The following DMXL1 variants were observed in gnomAD, a reference collection of about 807,000 sequenced individuals.
DMXL1 encodes dmX-like protein 1.
A neutral mutation model predicts 319.2 loss-of-function variants in DMXL1; 99 were observed. That is an observed-to-expected ratio of 0.31 (90% CI 0.26 to 0.37). The LOEUF (loss-of-function observed/expected upper bound fraction) is 0.37, where lower values mean the gene tolerates loss of function less well. Among genes scored for constraint, DMXL1 ranks in the 10% least tolerant of loss-of-function variants. The probability of loss-of-function intolerance (pLI) is 1.00; values close to 1 mark genes in which losing one functional copy is unlikely to be tolerated. For missense variants in DMXL1, 3,745 were observed against 3,595.6 expected (o/e 1.04, Z -1.06); for synonymous variants, 1,385 against 1,235.2 (o/e 1.12, Z -2.54).
intron 1 of DMXL1, among the ~76,000 whole-genome samples, chr5:119,080,472 C>G (rs1364506199): frequency 1.3e-5 from 2 of 152,108 alleles, no homozygotes; most frequent in African/African-American, 2.4e-5. Flanking sequence ...GTGAATGGTT[C>G]CATTATCCAG....
intron 37 of DMXL1, among the ~76,000 whole-genome samples, chr5:119,222,015 CA>C (rs1487661312): frequency 2.0e-5 from 3 of 151,746 alleles, no homozygotes; most frequent in Non-Finnish European, 4.4e-5. Flanking sequence ...TTCAGAATTT[CA>C]TAAGTACTGT....
At chr5:119,143,069 C>T (rs945772147) in intron 13 of DMXL1, among the ~76,000 whole-genome samples, 1 of 151,942 alleles carries the variant, frequency 6.6e-6, no homozygotes, top group Non-Finnish European at 1.5e-5. Flanking sequence ...ACACTGGGGA[C>T]TTCTTCATGT....
intron 41 of DMXL1, 73 bp from the exon 42 acceptor site, chr5:119,240,346 A>G (rs1362265105): frequency 3.9e-5 from 41 of 1,064,836 alleles, no homozygotes; most frequent in Non-Finnish European, 5.1e-5. Flanking sequence ...TAAAGGTCAC[A>G]CAGTTATATA....
intron 27 of DMXL1, 29 bp from the exon 28 acceptor site, chr5:119,177,967 G>A (rs951207694): frequency 1.3e-6 from 2 of 1,550,212 alleles, no homozygotes; most frequent in Non-Finnish European, 1.7e-6. Context: ...TTTATAGTCA[G>A]TGACAGCTAT....
intron 28 of DMXL1, among the ~76,000 whole-genome samples, chr5:119,184,478 T>C (rs2150345317): frequency 6.6e-6 from 1 of 152,322 alleles, no homozygotes; most frequent in East Asian, 1.9e-4. Flanking sequence ...TGAATATATT[T>C]TTTCCATTAT....
intron 25 of DMXL1, 81 bp downstream of exon 25, chr5:119,172,050 G>A (rs1030440990): frequency 7.6e-7 from 1 of 1,314,010 alleles, no homozygotes; most frequent in Non-Finnish European, 1.0e-6. Context: ...TTTTTTTTAA[G>A]TAATTTTAAA....
rs767178315 is a variant in DMXL1, at chr5:119,149,375, T to C, written c.3548T>C (p.Phe1183Ser). The C allele has an allele frequency of 6.2e-7, 1 of 1,613,964 alleles. No individual in the cohort carries two copies. Among genetic ancestry groups the C allele is most frequent in the Non-Finnish European group, 8.5e-7 (1 of 1,179,898 alleles). Residue 1183 changes from phenylalanine (F) to serine (S), a missense_variant, in exon 18 of 44, where the codon TTT becomes TCT. Phe to Ser is a radical substitution (Grantham distance 155). This residue lies in a region of DMXL1 where 2,096 missense variants were observed against 1,985.4 expected (regional missense o/e 1.06). Coordinates refer to ENST00000539542, the MANE Select transcript of DMXL1 (RefSeq NM_001290321.3). Reference protein sequence around the residue: ...QDQTGKETLAFPLWESTKVVP... With the variant: ...QDQTGKETLASPLWESTKVVP... ...CAAACTGGTAAGGAAACCCTGGCAT[T>C]TCCTCTCTGGGAGAGTACCAAAGTT...
In DMXL1 at chr5:119,175,790, A is replaced by T. The variant is rs578092794; in HGVS notation, c.6758+453A>T. On this transcript the variant is annotated intron_variant, in intron 26 of 43. Transcript: ENST00000539542. ...GGAATTGAGAAAAATTTTACCAAAT[A>T]ATTGATGTATAGGATATTTCTCTGT... is the stretch of plus-strand genomic sequence containing the variant. Among the ~76,000 whole-genome samples, 4 of 152,246 alleles carry T rather than the reference A, an allele frequency of 2.6e-5. No homozygotes were observed. The East Asian group carries it at 7.7e-4, about 29-fold the overall frequency.
chr5:119,188,338 G>A (rs1778118263), intron 28 of DMXL1, among the ~76,000 whole-genome samples: 1 of 152,156 alleles, frequency 6.6e-6, no homozygotes, highest in African/African-American at 2.4e-5. Context: ...GGCGTCTGAG[G>A]TGTGGATATC....
intron 1 of DMXL1, among the ~76,000 whole-genome samples, chr5:119,076,089 G>T (rs1028347905): frequency 3.3e-5 from 5 of 152,040 alleles, no homozygotes; most frequent in African/African-American, 1.2e-4. Context: ...CAGAAAGATT[G>T]TACCAATATA....
intron 13 of DMXL1, among the ~76,000 whole-genome samples, 190 bp from the exon 14 acceptor site, chr5:119,143,651 G>A (rs1767900367): frequency 6.6e-6 from 1 of 151,832 alleles, no homozygotes; most frequent in Non-Finnish European, 1.5e-5. Flanking sequence ...CAACTGAGCT[G>A]TAATGCTTTT....
intron 29 of DMXL1, among the ~76,000 whole-genome samples, chr5:119,191,167 A>G (rs549579654): frequency 6.6e-5 from 10 of 152,328 alleles, no homozygotes; most frequent in East Asian, 5.8e-4. Flanking sequence ...ATTGCTCTGT[A>G]TAGTTTATGC....
At chr5:119,205,468 G>A (rs1414089849) in intron 33 of DMXL1, among the ~76,000 whole-genome samples, 1 of 152,000 alleles carries the variant, frequency 6.6e-6, no homozygotes, top group African/African-American at 2.4e-5. Context: ...TCAGGAGCAT[G>A]AATATGAATG....
rs1167844843 is a variant in DMXL1, at chr5:119,170,969, T to C, written c.6178T>C (p.Tyr2060His). 6.2e-7 allele frequency: 1 copy of C among 1,613,932 alleles called. No individual in the cohort carries two copies. Among genetic ancestry groups the C allele is most frequent in the Non-Finnish European group, 8.5e-7 (1 of 1,179,910 alleles). Residue 2060 changes from tyrosine to histidine, a missense_variant, in exon 24 of 44, where the codon TAC becomes CAC. Transcript: ENST00000539542. ...IDGGKLRYQL[Y>H]HWLEKEVIAL... ...TGGTGGAAAATTGCGTTACCAACTA[T>C]ACCACTGGCTTGAAAAAGAGGTGAT...
chr5:119,143,734 C>T (rs750210086), intron 13 of DMXL1, 107 bp from the exon 14 acceptor site: 38 of 638,108 alleles, frequency 6.0e-5, no homozygotes, highest in Non-Finnish European at 8.5e-5. Flanking sequence ...ATATTTAGGC[C>T]CACTTGAATT....
intron 20 of DMXL1, 54 bp from the exon 21 acceptor site, chr5:119,165,129 T>C: frequency 2.7e-6 from 3 of 1,091,832 alleles, no homozygotes; most frequent in South Asian, 1.4e-5. Context: ...ATGAAAGAAA[T>C]TACTTGTTCA....
At chr5:119,190,253 A>C (rs1778475066) in intron 29 of DMXL1, among the ~76,000 whole-genome samples, 1 of 152,206 alleles carries the variant, frequency 6.6e-6, no homozygotes, top group Non-Finnish European at 1.5e-5. Context: ...TTTATACTAC[A>C]GCAGTCTCTC....
In DMXL1 at chr5:119,176,164, G is replaced by A. The variant is rs184498721; in HGVS notation, c.6758+827G>A. On this transcript the variant is annotated intron_variant, in intron 26 of 43. Coordinates refer to ENST00000539542, the MANE Select transcript of DMXL1 (RefSeq NM_001290321.3). ...TTTAGAAATTCTGTTTTTCATTTTC[G>A]GGATCTCTTGTTGAATTTAGTATTT... is the stretch of plus-strand genomic sequence containing the variant. 2.4e-3 allele frequency among the ~76,000 whole-genome samples: 361 copies of A among 151,696 alleles called. 2 individuals carry two copies. Among genetic ancestry groups the A allele is most frequent in the African/African-American group, 7.9e-3 (328 of 41,386 alleles).
intron 1 of DMXL1, among the ~76,000 whole-genome samples, chr5:119,073,186 C>T (rs1750033891): frequency 6.6e-6 from 1 of 152,140 alleles, no homozygotes; most frequent in Non-Finnish European, 1.5e-5. Flanking sequence ...CCTTAGGCTC[C>T]TGAGGAGCTA....
Sources: allele counts gnomAD v4.1 joint callset (sites outside exome capture counted in the v4.1 genomes callset), GRCh38; gene constraint gnomAD v4.1.1; regional missense constraint gnomAD v4.1.1; transcripts MANE v1.5; gene names NCBI Gene and HGNC (gene_info 2026-07-23, HGNC 2026-07-21).